GPHN: variants seen among roughly 807,000 people sequenced by gnomAD.
The protein encoded by GPHN is gephyrin.
Under a neutral mutation model 95.5 loss-of-function variants are expected in GPHN, and 17 were observed. That is an observed-to-expected ratio of 0.18 (90% confidence interval 0.12 to 0.27). GPHN has a LOEUF of 0.27. Among genes scored for constraint, GPHN ranks in the 10% least tolerant of loss-of-function variants. The pLI is 1.00. For missense variants in GPHN, 660 were observed against 978.1 expected, an observed-to-expected ratio of 0.67 and a Z score of 4.34; for synonymous variants, 320 against 322.5, an observed-to-expected ratio of 0.99 and a Z score of 0.08.
rs1234454631 is a variant in GPHN at position 66,513,317 on chromosome 14, G to A, written c.64+4726G>A. On this transcript the variant is annotated intron_variant, in intron 1 of 22. Transcript: ENST00000478722. ...AAAAGTATTAGTTGCTATACAATAA[G>A]AGTTTTAAATACATTAAAAACACAT... 2.0e-5 allele frequency among the ~76,000 whole-genome samples: 3 copies of A among 151,626 alleles called. No individual in the cohort carries two copies. In the East Asian group the frequency reaches 5.8e-4, roughly 29 times the overall value.
chr14:66,858,465 A>G (rs2062888377), intron 4 of GPHN, among the ~76,000 whole-genome samples: 1 of 151,518 alleles, frequency 6.6e-6, no homozygotes, highest in African/African-American at 2.4e-5. Context: ...TCCTGGCAAG[A>G]TGCATCAACT....
chr14:67,473,717 G>A, the GPHN span: 1 of 1,604,504 alleles, frequency 6.2e-7, no homozygotes, highest in Non-Finnish European at 8.5e-7. The surrounding 1 kb of genome is among the most constrained non-coding windows in gnomAD (Gnocchi z 6.5). Context: ...GCGGGCAGCG[G>A]CCGCGCAGCC....
chr14:67,076,583 G>A (rs2076501926), intron 11 of GPHN, among the ~76,000 whole-genome samples: 1 of 152,204 alleles, frequency 6.6e-6, no homozygotes, highest in Admixed American at 6.5e-5. Flanking sequence ...GTAAATATAT[G>A]TTTTGACATT....
intron 4 of GPHN, among the ~76,000 whole-genome samples, chr14:66,850,769 T>G (rs1400553468): frequency 1.3e-5 from 2 of 152,152 alleles, no homozygotes; most frequent in African/African-American, 4.8e-5. Context: ...GAGTACGCAC[T>G]AACTGCCAGG....
chr14:67,088,961 T>G (rs1300461563), intron 11 of GPHN, 22 bp from the exon 12 acceptor site: 3 of 1,410,364 alleles, frequency 2.1e-6, no homozygotes, highest in Non-Finnish European at 3.0e-6. Context: ...ATTTACATTT[T>G]CCTTCTTTTC....
chr14:67,346,513 C>T, the GPHN span, among the ~76,000 whole-genome samples: 13 of 152,212 alleles, frequency 8.5e-5, no homozygotes, highest in African/African-American at 3.1e-4. Context: ...CGGGGTTTCA[C>T]CATGTTGCCC....
intron 18 of GPHN, among the ~76,000 whole-genome samples, chr14:67,150,358 G>A (rs1338643370): frequency 2.1e-5 from 3 of 144,958 alleles, no homozygotes; most frequent in African/African-American, 5.1e-5. Context: ...GGAGAATGGC[G>A]TGAACCCGGG....
chr14:67,076,088 CATT>C (rs1311835241), intron 11 of GPHN, among the ~76,000 whole-genome samples: 5 of 152,040 alleles, frequency 3.3e-5, no homozygotes, highest in African/African-American at 1.2e-4. Context: ...TAGCAAACTT[CATT>C]ATTGTCTTAT....
At chr14:67,329,441 C>T in the GPHN span, among the ~76,000 whole-genome samples, 3 of 152,146 alleles carry the variant, frequency 2.0e-5, no homozygotes, top group Admixed American at 6.6e-5. Flanking sequence ...AATTCGACTT[C>T]CTCTTTTCCT....
chr14:67,584,334 A>G, the GPHN span, among the ~76,000 whole-genome samples: 1 of 152,168 alleles, frequency 6.6e-6, no homozygotes, highest in Admixed American at 6.5e-5. Context: ...ACTGCCCCAA[A>G]AGAAAAGATG....
the GPHN span, among the ~76,000 whole-genome samples, chr14:67,452,325 C>CAA: frequency 0.11 from 12,278 of 107,664 alleles, 683 homozygotes; most frequent in East Asian, 0.18. Flanking sequence ...GACTCTGTCT[C>CAA]AAAAAAAAAA....
the GPHN span, among the ~76,000 whole-genome samples, chr14:67,411,232 A>T: frequency 3.3e-5 from 5 of 151,998 alleles, no homozygotes; most frequent in Admixed American, 3.3e-4. Flanking sequence ...TTCTACCATA[A>T]TCCCAGGCAC....
intron 1 of GPHN, among the ~76,000 whole-genome samples, chr14:66,582,185 A>G (rs895775689): frequency 3.3e-5 from 5 of 152,042 alleles, no homozygotes; most frequent in Admixed American, 1.3e-4. Flanking sequence ...GCCAAATATC[A>G]TCTCCAGTCA....
the GPHN span, among the ~76,000 whole-genome samples, chr14:67,243,963 A>G: frequency 6.6e-6 from 1 of 152,228 alleles, no homozygotes; most frequent in Non-Finnish European, 1.5e-5. Context: ...ACTTGGAACT[A>G]CATGAATGCT....
At chr14:67,195,213 G>C in the GPHN span, among the ~76,000 whole-genome samples, 1 of 152,188 alleles carries the variant, frequency 6.6e-6, no homozygotes, top group African/African-American at 2.4e-5. Flanking sequence ...AACACTTTCT[G>C]CTCCTCAGCT....
At chr14:66,798,650 G>T (rs1313207876) in intron 3 of GPHN, among the ~76,000 whole-genome samples, 10 of 151,708 alleles carry the variant, frequency 6.6e-5, no homozygotes, top group African/African-American at 2.2e-4. Flanking sequence ...AGTATCAATT[G>T]TAATGTCACC....
the GPHN span, chr14:67,562,586 G>A: frequency 2.5e-6 from 4 of 1,612,596 alleles, no homozygotes; most frequent in Non-Finnish European, 1.7e-6. Context: ...GCGGGCTCCT[G>A]GCACCCCGCG....
At chr14:67,093,200 CT>C (rs2077210988) in intron 12 of GPHN, among the ~76,000 whole-genome samples, 1 of 151,654 alleles carries the variant, frequency 6.6e-6, no homozygotes, top group African/African-American at 2.4e-5. Context: ...ATTTTTTTTT[CT>C]TGTTTACATT....
intron 4 of GPHN, among the ~76,000 whole-genome samples, chr14:66,879,611 A>G (rs537591840): frequency 3.3e-5 from 5 of 152,246 alleles, no homozygotes; most frequent in Admixed American, 6.5e-5. Context: ...CTGGTGAGAA[A>G]TCTACTAAGT....
Sources: allele counts gnomAD v4.1 joint callset (sites outside exome capture counted in the v4.1 genomes callset), GRCh38; gene constraint gnomAD v4.1.1; non-coding constraint Gnocchi (gnomAD v3.1); transcripts MANE v1.5; gene names NCBI Gene and HGNC (gene_info 2026-07-23, HGNC 2026-07-21).